The following PLD5 variants were observed in gnomAD, a reference collection of about 807,000 sequenced individuals.
PLD5 encodes phospholipase D family member 5.
Under a neutral mutation model 61.1 loss-of-function variants are expected in PLD5, and 36 were observed. The ratio of observed to expected loss-of-function variants is 0.59; its 90% CI spans 0.45 to 0.78. The LOEUF is 0.78. Among genes scored for constraint, PLD5 ranks in the 30% least tolerant of loss-of-function variants. The pLI, the probability that PLD5 is intolerant of heterozygous loss-of-function variation, is 0.00. For missense variants in PLD5, 515 were observed against 644.4 expected (o/e 0.80, Z 2.17); for synonymous variants, 243 against 242.8 (o/e 1.00, Z -0.01).
chr1:242,432,329 A>G (rs1219709569), intron 1 of PLD5, among the ~76,000 whole-genome samples: 1 of 152,230 alleles, frequency 6.6e-6, no homozygotes, highest in Non-Finnish European at 1.5e-5. Context: ...GAAGGAAGCT[A>G]TTCATTCCTA....
At chr1:242,528,559 G>T (rs189961475), upstream of PLD5, among the ~76,000 whole-genome samples, 1 of 152,240 alleles carries the variant, frequency 6.6e-6, no homozygotes, top group East Asian at 1.9e-4. Context: ...CAAGAAGTGG[G>T]AGTATTTTAT....
intron 1 of PLD5, among the ~76,000 whole-genome samples, chr1:242,389,277 T>C (rs1662781586): frequency 6.6e-6 from 1 of 152,190 alleles, no homozygotes; most frequent in Non-Finnish European, 1.5e-5. Context: ...GCTAGCCCCC[T>C]GGTATACATG....
At chr1:242,095,231 G>A (rs1378729280) in intron 9 of PLD5, among the ~76,000 whole-genome samples, 1 of 150,964 alleles carries the variant, frequency 6.6e-6, no homozygotes, top group Admixed American at 6.6e-5. Flanking sequence ...CATCGCGTCC[G>A]GCATATTTAT....
chr1:242,382,350 T>G (rs779938694), intron 1 of PLD5, among the ~76,000 whole-genome samples: 5 of 151,968 alleles, frequency 3.3e-5, no homozygotes, highest in Non-Finnish European at 5.9e-5. Context: ...GAGATACACA[T>G]GAAAAGTGAG....
rs143735335 is a variant in PLD5, at chr1:242,331,499, C to T, written c.326+16607G>A. The stretch of plus-strand genomic sequence containing the variant: ...CTTAACTCATCTCTCATGGAAATGC[C>T]AAAAAATAATTGCCCTCTGGAAGGG... On this transcript the variant is annotated intron_variant, in intron 2 of 9. Coordinates refer to ENST00000536534, the MANE Select transcript of PLD5 (RefSeq NM_001372062.1). Among the ~76,000 whole-genome samples, 739 of 149,196 alleles carry T rather than the reference C, an allele frequency of 5.0e-3. 11 individuals are homozygous for T. The highest frequency in any genetic ancestry group is 0.017 in the African/African-American group (698 of 40,772).
upstream of PLD5, among the ~76,000 whole-genome samples, chr1:242,525,238 GGGGCAGTAGCCCCTC>G (rs1007562604): frequency 1.2e-4 from 18 of 146,094 alleles, no homozygotes; most frequent in African/African-American, 4.5e-4. Flanking sequence ...AATACGCCCG[GGGGCAGTAGCCCCTC>G]GGGCAGGCAC....
chr1:242,151,508 C>T, intron 5 of PLD5, among the ~76,000 whole-genome samples: 1 of 151,986 alleles, frequency 6.6e-6, no homozygotes, highest in East Asian at 1.9e-4. Flanking sequence ...TGCAGAGCAT[C>T]CCAAAAGTAG....
At chr1:242,449,516 T>C (rs1666696001) in intron 1 of PLD5, 1 of 1,487,342 alleles carries the variant, frequency 6.7e-7, no homozygotes, top group Admixed American at 2.3e-5. Context: ...ATTGCTGGCC[T>C]CAATGCTTTG....
chr1:242,093,810 C>G (rs1285554443), intron 9 of PLD5, among the ~76,000 whole-genome samples: 1 of 151,460 alleles, frequency 6.6e-6, no homozygotes, highest in Non-Finnish European at 1.5e-5. Flanking sequence ...GCTTCGGGGG[C>G]AGCCTGGGGT....
chr1:242,264,861 T>C (rs1045935907), intron 4 of PLD5, among the ~76,000 whole-genome samples: 7 of 152,346 alleles, frequency 4.6e-5, no homozygotes, highest in African/African-American at 1.7e-4. Flanking sequence ...AAAGTGGCTA[T>C]ATAAATGGTG....
chr1:242,163,172 C>T (rs35602894), intron 5 of PLD5, among the ~76,000 whole-genome samples: 12,499 of 142,200 alleles, frequency 0.088, 740 homozygotes, highest in South Asian at 0.22. Context: ...ACGACGGAGT[C>T]TCACTCTGTC....
chr1:242,368,598 G>C (rs1295995248), intron 1 of PLD5, among the ~76,000 whole-genome samples: 1 of 152,132 alleles, frequency 6.6e-6, no homozygotes, highest in African/African-American at 2.4e-5. Context: ...CATCTGCATA[G>C]GGCATGAATC....
chr1:242,348,362 T>C, intron 1 of PLD5, 120 bp from the exon 2 acceptor site: 1 of 1,115,612 alleles, frequency 9.0e-7, no homozygotes, highest in South Asian at 1.7e-5. Context: ...TATCACTGCC[T>C]AGAAGGGAAA....
In PLD5 at chr1:242,441,290, A is replaced by G. The variant is rs555402626; in HGVS notation, c.189+82798T>C. On this transcript the variant is annotated intron_variant, in intron 1 of 9. Transcript: ENST00000536534. ...TTGATGAAAGATTTAACCTACTGCC[A>G]TTAGTAAAAATGCTGTGTATGGTAT... Among the ~76,000 whole-genome samples, 73 of 152,234 alleles carry G rather than the reference A, an allele frequency of 4.8e-4. 1 individual carries two copies. In the South Asian group the frequency reaches 7.7e-3, roughly 16 times the overall value.
intron 5 of PLD5, among the ~76,000 whole-genome samples, chr1:242,142,126 A>C (rs1664216165): frequency 6.6e-6 from 1 of 152,216 alleles, no homozygotes; most frequent in Non-Finnish European, 1.5e-5. Context: ...GAGGAACAGC[A>C]GAAAGGTTTT....
chr1:242,398,217 C>T (rs1294487322), intron 1 of PLD5, among the ~76,000 whole-genome samples: 4 of 152,190 alleles, frequency 2.6e-5, no homozygotes, highest in African/African-American at 4.8e-5. Context: ...CAATACAGCA[C>T]TTGTGAGTAC....
At chr1:242,478,591 T>C (rs1034626359) in intron 1 of PLD5, among the ~76,000 whole-genome samples, 2 of 152,196 alleles carry the variant, frequency 1.3e-5, no homozygotes, top group African/African-American at 4.8e-5. Context: ...AGGTTCAAGC[T>C]TACAAACATA....
intron 3 of PLD5, among the ~76,000 whole-genome samples, chr1:242,270,650 C>G (rs1003379225): frequency 1.3e-5 from 2 of 152,182 alleles, no homozygotes; most frequent in Non-Finnish European, 2.9e-5. Flanking sequence ...CCAGCAGACT[C>G]AGGTTCTGGG....
intron 1 of PLD5, among the ~76,000 whole-genome samples, chr1:242,349,853 C>A (rs1272317039): frequency 6.6e-6 from 1 of 152,114 alleles, no homozygotes; most frequent in Admixed American, 6.6e-5. Context: ...CTGATTAGGT[C>A]ACGAAGACAG....
Sources: gnomAD v4.1 joint callset for allele counts (sites outside exome capture counted in the v4.1 genomes callset) on GRCh38, gnomAD v4.1.1 for gene constraint, MANE v1.5 for transcripts, NCBI Gene and HGNC (gene_info 2026-07-23, HGNC 2026-07-21) for gene names.